Variants in DNAJB1 observed in about 807,000 individuals in gnomAD.
DNAJB1 encodes the protein dnaJ homolog subfamily B member 1.
DNAJB1 carries 14 observed loss-of-function variants against 24.0 expected under a neutral mutation model. The ratio of observed to expected loss-of-function variants is 0.58; its 90% CI spans 0.39 to 0.91. The LOEUF (loss-of-function observed/expected upper bound fraction) is 0.91. Ranked by LOEUF, DNAJB1 falls within the 40% of genes least tolerant of loss-of-function variation. The probability of loss-of-function intolerance (pLI) is 0.00; values close to 1 mark genes in which losing one functional copy is unlikely to be tolerated. For synonymous variants in DNAJB1, 262 were observed against 174.4 expected, an observed-to-expected ratio of 1.50 and a Z score of -3.96; for missense variants, 517 against 458.1, an observed-to-expected ratio of 1.13 and a Z score of -1.17.
At chr19:14,522,876 T>C (rs988006371), upstream of DNAJB1, among the ~76,000 whole-genome samples, 3 of 152,198 alleles carry the variant, frequency 2.0e-5, no homozygotes, top group Admixed American at 6.6e-5. Context: ...CACAGCCTGC[T>C]TGATCTCTGG....
chr19:14,524,009 T>C (rs2072390939), intron 2 of DNAJB1, among the ~76,000 whole-genome samples: 1 of 152,132 alleles, frequency 6.6e-6, no homozygotes, highest in Admixed American at 6.6e-5. Context: ...AACAGCCCTA[T>C]GAGGTTGGGC....
chr19:14,542,354 T>TGG (rs1480153540), intron 1 of DNAJB1, among the ~76,000 whole-genome samples: 1 of 116,324 alleles, frequency 8.6e-6, no homozygotes, highest in African/African-American at 3.6e-5. Context: ...AGTGTTTTTT[T>TGG]TTTTTTTTTT....
chr19:14,519,818 A>G (rs1485493070), upstream of DNAJB1, among the ~76,000 whole-genome samples: 1 of 152,014 alleles, frequency 6.6e-6, no homozygotes, highest in African/African-American at 2.4e-5. Flanking sequence ...TGTTTCCTCA[A>G]TTGTAGGCAA....
chr19:14,543,639 C>T (rs546494689), intron 1 of DNAJB1, among the ~76,000 whole-genome samples: 169 of 149,654 alleles, frequency 1.1e-3, no homozygotes, highest in Non-Finnish European at 1.8e-3. Flanking sequence ...GGGGTTTCAC[C>T]GTGTTAGCCA....
chr19:14,550,212 A>G (rs778777246), exon 1 of DNAJB1, among the ~76,000 whole-genome samples: 1 of 152,024 alleles, frequency 6.6e-6, no homozygotes, highest in Non-Finnish European at 1.5e-5. Flanking sequence ...CCTTACCTGC[A>G]AAAGAGGATG....
chr19:14,553,041 C>T (rs75996655), upstream of DNAJB1, among the ~76,000 whole-genome samples: 1,343 of 152,138 alleles, frequency 8.8e-3, 30 homozygotes, highest in African/African-American at 0.031. Flanking sequence ...GAATGGGGGG[C>T]AGGCCCAGGG....
chr19:14,517,837 C>T (rs995207190), intron 1 of DNAJB1: 14 of 297,042 alleles, frequency 4.7e-5, no homozygotes, highest in Non-Finnish European at 8.1e-5. Flanking sequence ...CCCGTCGTCA[C>T]CCCCGGCTCC....
At chr19:14,517,218 C>G in intron 1 of DNAJB1, 172 bp from the exon 2 acceptor site, 2 of 630,222 alleles carry the variant, frequency 3.2e-6, no homozygotes, top group Non-Finnish European at 5.4e-6. Context: ...GCAGAGACGC[C>G]CCCCTACCAA....
chr19:14,523,813 G>A (rs2072388744), intron 2 of DNAJB1, among the ~76,000 whole-genome samples: 2 of 151,918 alleles, frequency 1.3e-5, no homozygotes, highest in Admixed American at 1.3e-4. Context: ...TGGTAGAGAT[G>A]GGGTTTTGCC....
At position 14,516,491 on chromosome 19, in the gene DNAJB1, T is replaced by A. The variant is rs773728006; in HGVS notation, c.767A>T (p.Tyr256Phe). Residue 256 changes from tyrosine to phenylalanine, a missense_variant, in exon 2 of 3, where the codon TAT becomes TTT. Coordinates refer to ENST00000254322, the MANE Select transcript of DNAJB1 (RefSeq NM_006145.3). ...IFKRDGSDVIYPARISLREAL... is the reference protein window; with the variant it reads ...IFKRDGSDVIFPARISLREAL... ...CTCCCGGAGGCTGATCCTGGCAGGA[T>A]AAATGACATCAGAGCCATCTCTCTT... 2 of 1,613,350 alleles carry A rather than the reference T, an allele frequency of 1.2e-6. No homozygotes were observed. Among genetic ancestry groups the A allele is most frequent in the East Asian group, 4.5e-5 (2 of 44,882 alleles).
intron 1 of DNAJB1, among the ~76,000 whole-genome samples, chr19:14,541,907 C>T (rs539804893): frequency 2.4e-4 from 37 of 151,740 alleles, no homozygotes; most frequent in African/African-American, 8.7e-4. Context: ...CTCAGCCTCC[C>T]GATTGGCTGG....
chr19:14,549,999 T>C (rs2073441008), intron 1 of DNAJB1, among the ~76,000 whole-genome samples: 1 of 151,792 alleles, frequency 6.6e-6, no homozygotes, highest in Non-Finnish European at 1.5e-5. Context: ...TGCCACTCCC[T>C]GTCCCCTTTC....
chr19:14,518,453 G>T (rs1402209398), upstream of DNAJB1: 61 of 970,924 alleles, frequency 6.3e-5, no homozygotes, highest in Non-Finnish European at 9.5e-6. Flanking sequence ...TCCAGAGCCC[G>T]CCAGCCCCCT....
At chr19:14,521,414 G>A (rs1363568976), upstream of DNAJB1, among the ~76,000 whole-genome samples, 2 of 151,400 alleles carry the variant, frequency 1.3e-5, no homozygotes, top group African/African-American at 2.4e-5. Context: ...AGCCAAGATC[G>A]TGCCACTGTG....
chr19:14,518,490 C>A (rs2072319974), upstream of DNAJB1: 3 of 639,034 alleles, frequency 4.7e-6, no homozygotes, highest in Non-Finnish European at 6.7e-6. Context: ...CGCCCGCCCC[C>A]GCGGCGCCGG....
chr19:14,515,684 G>T lies in DNAJB1; in HGVS notation c.*256C>A. On this transcript the variant is annotated 3_prime_UTR_variant, in exon 3 of 3. Coordinates refer to ENST00000254322, the MANE Select transcript of DNAJB1 (RefSeq NM_006145.3). The stretch of plus-strand genomic sequence containing the variant: ...GGTGGATGTGGGCCCATCCCGGGAG[G>T]GCTGCCAGACCCAGTGGGGCAGACT... The T allele has an allele frequency of 2.2e-6, 1 of 446,608 alleles. No homozygotes were observed. The highest frequency in any genetic ancestry group is 4.0e-6 in the Non-Finnish European group (1 of 251,938). 27.7% of individuals were successfully genotyped at this position (446,608 alleles called of 1,614,324 possible).
chr19:14,543,318 A>G (rs2073165703), intron 1 of DNAJB1, among the ~76,000 whole-genome samples: 1 of 142,922 alleles, frequency 7.0e-6, no homozygotes, highest in Non-Finnish European at 1.5e-5. Flanking sequence ...GTGTGTGCAG[A>G]TACTGGAATT....
At chr19:14,550,401 C>T (rs1016572663), upstream of DNAJB1, among the ~76,000 whole-genome samples, 1 of 152,146 alleles carries the variant, frequency 6.6e-6, no homozygotes, top group African/African-American at 2.4e-5. Flanking sequence ...TGGACTCGGG[C>T]AGTCGGGGGT....
chr19:14,557,095 C>G (rs554463519), intron 1 of DNAJB1, among the ~76,000 whole-genome samples: 30 of 146,538 alleles, frequency 2.0e-4, no homozygotes, highest in Non-Finnish European at 3.8e-4. Context: ...CATGGCTGTT[C>G]TGCTAGTGTT....
Sources: allele counts gnomAD v4.1 joint callset (sites outside exome capture counted in the v4.1 genomes callset), GRCh38; gene constraint gnomAD v4.1.1; transcripts MANE v1.5; gene names NCBI Gene and HGNC (gene_info 2026-07-23, HGNC 2026-07-21).